KCNJ15: variants seen among roughly 807,000 people sequenced by gnomAD.
KCNJ15 encodes the protein ATP-sensitive inward rectifier potassium channel 15.
A neutral mutation model predicts 23.0 loss-of-function variants in KCNJ15; 14 were observed. The ratio of observed to expected loss-of-function variants is 0.61; its 90% confidence interval spans 0.40 to 0.95. The LOEUF (loss-of-function observed/expected upper bound fraction) is 0.95, where lower values mean the gene tolerates loss of function less well. Among genes scored for constraint, KCNJ15 ranks in the 40% least tolerant of loss-of-function variants. KCNJ15 has a pLI of 0.00. For synonymous variants in KCNJ15, 185 were observed against 183.2 expected (o/e 1.01, Z -0.08); for missense variants, 388 against 461.8 (o/e 0.84, Z 1.46).
intron 1 of KCNJ15, among the ~76,000 whole-genome samples, chr21:38,269,842 A>G (rs1036027105): frequency 6.6e-6 from 1 of 151,970 alleles, no homozygotes; most frequent in Non-Finnish European, 1.5e-5. Context: ...GCTTAACTGG[A>G]TCTATTGAAA....
rs532591728 is a variant in KCNJ15, at chr21:38,307,289, C to T, written c.*6900C>T. 6 of 151,946 alleles carry T rather than the reference C, an allele frequency of 3.9e-5. No individual in the cohort carries two copies. The highest frequency in any genetic ancestry group is 1.9e-4 in the East Asian group (1 of 5,184). The allele number at this position is 151,946 out of a possible 1,614,324, so 9.4% of individuals were successfully genotyped here. On this transcript the variant is annotated 3_prime_UTR_variant, in exon 3 of 3. Coordinates refer to ENST00000398938, the MANE Select transcript of KCNJ15 (RefSeq NM_170736.3). The stretch of plus-strand genomic sequence containing the variant: ...GTCTCCATCACCTTTTTTTTCTCTC[C>T]GGATAAATGGAATTACTGTAACTTG...
chr21:38,271,032 A>T (rs1002010168), intron 1 of KCNJ15, among the ~76,000 whole-genome samples: 1 of 152,238 alleles, frequency 6.6e-6, no homozygotes, highest in Non-Finnish European at 1.5e-5. Context: ...GTCCATCTGG[A>T]CATTGGGGAG....
In KCNJ15 at chr21:38,293,086, C is replaced by T. The variant is rs143902011; in HGVS notation, c.-116-3840C>T. ...AAATATGTATTAATCGTGAAAATGT[C>T]TCTGTGGTCAGGTTTCACTAGGTTT... is the stretch of plus-strand genomic sequence containing the variant. On this transcript the variant is annotated intron_variant, in intron 1 of 2. Transcript: ENST00000398938. 3.6e-4 allele frequency among the ~76,000 whole-genome samples: 55 copies of T among 152,052 alleles called. 1 individual carries two copies. The highest frequency in any genetic ancestry group is 1.1e-3 in the African/African-American group (46 of 41,484).
At chr21:38,250,980 G>C (rs1230701128) in intron 1 of KCNJ15, among the ~76,000 whole-genome samples, 1 of 152,178 alleles carries the variant, frequency 6.6e-6, no homozygotes, top group African/African-American at 2.4e-5. Context: ...ATACCTCACA[G>C]TCTGGCCTAG....
chr21:38,231,601 G>C (rs909202318), intron 1 of KCNJ15, among the ~76,000 whole-genome samples: 43 of 151,790 alleles, frequency 2.8e-4, no homozygotes, highest in Non-Finnish European at 5.5e-4. Flanking sequence ...TGTTTTTGTA[G>C]ATACCCTTCA....
chr21:38,257,333 GGAATT>G (rs1175901441), intron 1 of KCNJ15, 148 bp downstream of exon 1: 5 of 152,166 alleles, frequency 3.3e-5, no homozygotes, highest in African/African-American at 9.7e-5. Context: ...CTTATCTGGG[GGAATT>G]TACAAGTGCT....
chr21:38,234,552 C>G (rs956034421), intron 1 of KCNJ15, among the ~76,000 whole-genome samples: 1 of 152,162 alleles, frequency 6.6e-6, no homozygotes, highest in African/African-American at 2.4e-5. Context: ...CAAGGCTAAG[C>G]CTAAAGGAAC....
intron 1 of KCNJ15, chr21:38,238,156 C>T (rs2123547333): frequency 2.5e-6 from 1 of 399,854 alleles, no homozygotes; most frequent in Non-Finnish European, 4.8e-6. Context: ...TCTACACGGC[C>T]CTGCAGGACC....
chr21:38,284,947 T>C (rs1432567226), intron 1 of KCNJ15, among the ~76,000 whole-genome samples: 1 of 152,230 alleles, frequency 6.6e-6, no homozygotes, highest in Non-Finnish European at 1.5e-5. Flanking sequence ...AATGCCTCTT[T>C]TCCCTGTTTT....
chr21:38,299,936 G>A lies in KCNJ15; in HGVS notation c.675G>A (p.Gly225=). The change falls in exon 3 of 3, where the codon GGG becomes GGA. Residue 225 remains glycine, a synonymous_variant. Coordinates refer to ENST00000398938, the MANE Select transcript of KCNJ15 (RefSeq NM_170736.3). The surrounding 1 kb of genome is among the most constrained non-coding windows in gnomAD (Gnocchi z 4.5). ...KLLQTHVTKE[G]ERILLNQATV... ...TGCAGACCCACGTCACCAAGGAGGG[G>A]GAGCGGATTCTCCTCAACCAAGCCA... The A allele has an allele frequency of 6.2e-7, 1 of 1,613,994 alleles. No individual in the cohort carries two copies. Among genetic ancestry groups the A allele is most frequent in the East Asian group, 2.2e-5 (1 of 44,876 alleles).
chr21:38,252,118 A>G (rs1028518575), upstream of KCNJ15, among the ~76,000 whole-genome samples: 10 of 152,218 alleles, frequency 6.6e-5, no homozygotes, highest in African/African-American at 1.9e-4. Context: ...TTGCTGTCTA[A>G]ACTCCATGAG....
chr21:38,263,510 A>G (rs1029552254), intron 1 of KCNJ15, among the ~76,000 whole-genome samples: 5 of 152,136 alleles, frequency 3.3e-5, no homozygotes, highest in African/African-American at 1.2e-4. Flanking sequence ...AAACCCCAAG[A>G]AGTTCTGCAG....
Position 38,266,215 on chromosome 21 carries a change from G to A in KCNJ15, c.-117+9030G>A, listed in dbSNP as rs545477605. 1.6e-4 allele frequency among the ~76,000 whole-genome samples: 24 copies of A among 152,192 alleles called. No individual in the cohort carries two copies. In the South Asian group the frequency reaches 3.1e-3, roughly 20 times the overall value. On this transcript the variant is annotated intron_variant, in intron 1 of 2. Transcript: ENST00000398938. ...AGGTTTGTCACATAGGTATACACGC[G>A]CCATGGTGATTTGCTGCACCCATCA... is the stretch of plus-strand genomic sequence containing the variant.
intron 1 of KCNJ15, among the ~76,000 whole-genome samples, chr21:38,288,254 G>A (rs1159809172): frequency 1.3e-5 from 2 of 151,586 alleles, no homozygotes; most frequent in Non-Finnish European, 1.5e-5. Context: ...TGTTAGCCAG[G>A]ATGGTCTCGA....
Position 38,277,828 on chromosome 21 carries a change from T to C in KCNJ15, c.-116-19098T>C, listed in dbSNP as rs78742532. On this transcript the variant is annotated intron_variant, in intron 1 of 2. Transcript: ENST00000398938. ...ACTCACATGTTTTGGGTTGTGTTTT[T>C]GACCTTCATTCATTCTTTATAGATT... 2.8e-5 allele frequency among the ~76,000 whole-genome samples: 3 copies of C among 106,782 alleles called. No homozygotes were observed. In the South Asian group the frequency reaches 1.1e-3, roughly 40 times the overall value. 70.1% of individuals were successfully genotyped at this position (106,782 alleles called of 152,430 possible). A position where few individuals can be genotyped will look rare whatever the true frequency, so the allele number is the denominator to read the frequency against.
chr21:38,236,088 C>T (rs930562611), intron 1 of KCNJ15, among the ~76,000 whole-genome samples: 3 of 152,148 alleles, frequency 2.0e-5, no homozygotes, highest in Non-Finnish European at 2.9e-5. Context: ...ATTGTTTCAT[C>T]CCAATGCTTA....
At chr21:38,247,993 T>C (rs974334109) in intron 1 of KCNJ15, among the ~76,000 whole-genome samples, 5 of 152,226 alleles carry the variant, frequency 3.3e-5, no homozygotes, top group African/African-American at 9.6e-5. Context: ...ACAAGTGTTA[T>C]TGCTTCCAAA....
intron 1 of KCNJ15, among the ~76,000 whole-genome samples, chr21:38,287,044 CAT>C (rs1321058902): frequency 6.6e-6 from 1 of 151,728 alleles, no homozygotes; most frequent in Non-Finnish European, 1.5e-5. Flanking sequence ...GTAATAGGTG[CAT>C]TTTAATATCA....
At chr21:38,272,065 T>A (rs1982157401) in intron 1 of KCNJ15, among the ~76,000 whole-genome samples, 1 of 152,164 alleles carries the variant, frequency 6.6e-6, no homozygotes, top group Non-Finnish European at 1.5e-5. Context: ...CCAGAGCCCT[T>A]TAGAGAGAAT....
Sources: allele counts gnomAD v4.1 joint callset (sites outside exome capture counted in the v4.1 genomes callset), GRCh38; gene constraint gnomAD v4.1.1; non-coding constraint Gnocchi (gnomAD v3.1); transcripts MANE v1.5; gene names NCBI Gene and HGNC (gene_info 2026-07-23, HGNC 2026-07-21).